Variants in SUGCT observed in about 807,000 individuals in gnomAD.
The protein encoded by SUGCT is succinyl-CoA:glutarate-CoA transferase.
Under a neutral mutation model 55.0 loss-of-function variants are expected in SUGCT, and 41 were observed. The observed-to-expected ratio is 0.74, with a 90% CI of 0.58 to 0.97. The LOEUF is 0.97. Among genes scored for constraint, SUGCT ranks in the 50% least tolerant of loss-of-function variants. The probability of loss-of-function intolerance (pLI) is 0.00; values close to 1 mark genes in which losing one functional copy is unlikely to be tolerated. For synonymous variants in SUGCT, 187 were observed against 200.4 expected (o/e 0.93, Z 0.56); for missense variants, 568 against 547.8 (o/e 1.04, Z -0.37).
chr7:40,583,613 T>C (rs1224199272), intron 12 of SUGCT, among the ~76,000 whole-genome samples: 1 of 152,234 alleles, frequency 6.6e-6, no homozygotes. Context: ...CCAATGGCTC[T>C]TTTGGCATCT....
At chr7:40,901,964 G>GGAGAGGCAAAGA in the SUGCT span, among the ~76,000 whole-genome samples, 2 of 152,168 alleles carry the variant, frequency 1.3e-5, no homozygotes, top group Admixed American at 1.3e-4. Context: ...AAGTGGGAAT[G>GGAGAGGCAAAGA]GAGAGGCAAA....
intron 12 of SUGCT, chr7:40,684,274 A>T (rs1024673561): frequency 7.2e-6 from 9 of 1,251,404 alleles, no homozygotes; most frequent in Non-Finnish European, 9.3e-6. Context: ...AGGGATTAGG[A>T]CATAGCATCT....
chr7:40,332,941 G>A (rs189703122), intron 9 of SUGCT, among the ~76,000 whole-genome samples: 8 of 152,258 alleles, frequency 5.3e-5, no homozygotes, highest in African/African-American at 1.4e-4. Context: ...GGTGTGTTGG[G>A]CATGGCAAAA....
chr7:40,685,902 T>C (rs75673779), intron 12 of SUGCT, among the ~76,000 whole-genome samples: 4,547 of 152,198 alleles, frequency 0.03, 239 homozygotes, highest in African/African-American at 0.1. Flanking sequence ...ATTTGGAAGT[T>C]TTCTTATATT....
chr7:40,627,964 T>C lies in SUGCT; in HGVS notation c.1090-121470T>C, dbSNP rs1274798074. Reference sequence around the variant, plus strand: ...TGCATTTATTTGAATATAACAGTTATTGCCTTTTGGACTTCGGGTTTCATG... The same window carrying C: ...TGCATTTATTTGAATATAACAGTTACTGCCTTTTGGACTTCGGGTTTCATG... On this transcript the variant is annotated intron_variant, in intron 12 of 13. Coordinates refer to ENST00000335693, the MANE Select transcript of SUGCT (RefSeq NM_001193313.2). Among the ~76,000 whole-genome samples, 3 of 152,210 alleles carry C rather than the reference T, an allele frequency of 2.0e-5. No homozygotes were observed. In the East Asian group the frequency reaches 5.8e-4, roughly 29 times the overall value.
intron 6 of SUGCT, chr7:40,217,533 C>T (rs1437557408): frequency 5.2e-6 from 2 of 384,522 alleles, no homozygotes; most frequent in South Asian, 1.9e-5. Context: ...TTATCGTTGT[C>T]TCCACACCTG....
At chr7:40,348,999 A>G (rs952090651) in intron 9 of SUGCT, among the ~76,000 whole-genome samples, 10 of 151,992 alleles carry the variant, frequency 6.6e-5, no homozygotes, top group Admixed American at 1.3e-4. Context: ...TTTTTGCTGC[A>G]CCTGGAGGAC....
chr7:40,567,642 A>G (rs1420710272), intron 12 of SUGCT, among the ~76,000 whole-genome samples: 7 of 152,158 alleles, frequency 4.6e-5, no homozygotes, highest in Non-Finnish European at 1.0e-4. Flanking sequence ...GGGAACATCC[A>G]TCCAGTTTAA....
chr7:41,004,468 T>C, the SUGCT span, among the ~76,000 whole-genome samples: 3,218 of 152,220 alleles, frequency 0.021, 106 homozygotes, highest in African/African-American at 0.073. Flanking sequence ...AGCACGAAAA[T>C]TTCAAACACT....
At chr7:40,911,166 G>A in the SUGCT span, among the ~76,000 whole-genome samples, 4 of 151,922 alleles carry the variant, frequency 2.6e-5, no homozygotes, top group Non-Finnish European at 5.9e-5. Flanking sequence ...CTGCTTCGGG[G>A]GTGGGATAAG....
At chr7:40,605,964 G>A (rs1380879486) in intron 12 of SUGCT, among the ~76,000 whole-genome samples, 1 of 152,146 alleles carries the variant, frequency 6.6e-6, no homozygotes, top group Non-Finnish European at 1.5e-5. Flanking sequence ...TTTGTGCAGT[G>A]CCTTGTCTAG....
intron 5 of SUGCT, among the ~76,000 whole-genome samples, chr7:40,192,095 G>T (rs904337428): frequency 8.6e-6 from 1 of 115,680 alleles, no homozygotes; most frequent in Non-Finnish European, 1.7e-5. Context: ...GTGACACAGT[G>T]AGATTCCATC....
chr7:40,815,704 C>A (rs1037533545), intron 13 of SUGCT, among the ~76,000 whole-genome samples: 1 of 152,120 alleles, frequency 6.6e-6, no homozygotes, highest in African/African-American at 2.4e-5. Context: ...AGTGGGTGCT[C>A]TAAATGCCTG....
At chr7:40,945,929 A>G in the SUGCT span, among the ~76,000 whole-genome samples, 1 of 152,016 alleles carries the variant, frequency 6.6e-6, no homozygotes, top group South Asian at 2.1e-4. Flanking sequence ...ACCAGCACCA[A>G]CTCTGATGGG....
intron 13 of SUGCT, among the ~76,000 whole-genome samples, chr7:40,795,723 A>T (rs1342305998): frequency 6.6e-6 from 1 of 152,030 alleles, no homozygotes; most frequent in African/African-American, 2.4e-5. Context: ...CAGAAAACTA[A>T]AAAAAAACTA....
chr7:40,183,428 C>A (rs1304860312), intron 3 of SUGCT, among the ~76,000 whole-genome samples: 1 of 152,212 alleles, frequency 6.6e-6, no homozygotes, highest in Non-Finnish European at 1.5e-5. Flanking sequence ...TAGCCTCCAA[C>A]TACTAGGCTC....
chr7:40,728,277 G>C (rs755589178), intron 12 of SUGCT, among the ~76,000 whole-genome samples: 3 of 152,112 alleles, frequency 2.0e-5, no homozygotes, highest in Non-Finnish European at 4.4e-5. Flanking sequence ...CTAGCATTTT[G>C]GGAGGCTGAA....
chr7:40,899,646 C>G, the SUGCT span, among the ~76,000 whole-genome samples: 1 of 151,690 alleles, frequency 6.6e-6, no homozygotes, highest in Non-Finnish European at 1.5e-5. Flanking sequence ...ACTTCCAGGA[C>G]TCTTTCCTAC....
chr7:40,696,851 G>T (rs534640046), intron 12 of SUGCT, among the ~76,000 whole-genome samples: 6 of 152,156 alleles, frequency 3.9e-5, no homozygotes, highest in Admixed American at 3.9e-4. Context: ...AGAGTAAGCA[G>T]CCTAGGGAAG....
Sources: gnomAD v4.1 joint callset for allele counts (sites outside exome capture counted in the v4.1 genomes callset) on GRCh38, gnomAD v4.1.1 for gene constraint, MANE v1.5 for transcripts, NCBI Gene and HGNC (gene_info 2026-07-23, HGNC 2026-07-21) for gene names.